The following KCNH8 variants were observed in gnomAD, a reference collection of about 807,000 sequenced individuals.
KCNH8 encodes voltage-gated delayed rectifier potassium channel KCNH8.
KCNH8 carries 70 observed loss-of-function variants against 103.6 expected under a neutral mutation model. The ratio of observed to expected loss-of-function variants is 0.68; its 90% CI spans 0.56 to 0.82. The LOEUF (loss-of-function observed/expected upper bound fraction) is 0.82. Among genes scored for constraint, KCNH8 ranks in the 40% least tolerant of loss-of-function variants. The pLI, the probability that KCNH8 is intolerant of heterozygous loss-of-function variation, is 0.00. For missense variants in KCNH8, 1,217 were observed against 1,329.9 expected, an observed-to-expected ratio of 0.92 and a Z score of 1.32; for synonymous variants, 498 against 489.4, an observed-to-expected ratio of 1.02 and a Z score of -0.23.
At chr3:19,414,092 A>C (rs1462176848) in intron 7 of KCNH8, among the ~76,000 whole-genome samples, 1 of 152,082 alleles carries the variant, frequency 6.6e-6, no homozygotes, top group East Asian at 1.9e-4. Flanking sequence ...TGATTCAGAG[A>C]GCTGAGGTCT....
At chr3:19,309,294 C>T (rs1363863611) in intron 3 of KCNH8, among the ~76,000 whole-genome samples, 1 of 151,900 alleles carries the variant, frequency 6.6e-6, no homozygotes, top group Non-Finnish European at 1.5e-5. Flanking sequence ...TAGTTAACTT[C>T]CATTTTATGC....
At chr3:19,288,181 CTTTTTTTTTT>C (rs767659898) in intron 3 of KCNH8, among the ~76,000 whole-genome samples, 7 of 38,162 alleles carry the variant, frequency 1.8e-4, no homozygotes, top group South Asian at 1.1e-3. Context: ...TATCAAACTT[CTTTTTTTTTT>C]TTTTTTTTTT....
intron 1 of KCNH8, among the ~76,000 whole-genome samples, chr3:19,246,274 G>GTTTTTTTTTTTTTTTT (rs920423108): frequency 2.4e-4 from 21 of 86,350 alleles, no homozygotes; most frequent in East Asian, 3.2e-4. Context: ...TGTTGTTGTT[G>GTTTTTTTTTTTTTTTT]TTTTTTTTTT....
intron 5 of KCNH8, among the ~76,000 whole-genome samples, chr3:19,372,304 GT>G (rs1334976234): frequency 1.3e-5 from 2 of 151,366 alleles, no homozygotes; most frequent in Non-Finnish European, 2.9e-5. Flanking sequence ...CTGGTTTGTA[GT>G]TCTCCTTGAA....
chr3:19,407,609 G>A (rs914814332), intron 7 of KCNH8, among the ~76,000 whole-genome samples: 3 of 151,912 alleles, frequency 2.0e-5, no homozygotes, highest in East Asian at 1.9e-4. Flanking sequence ...TCAACAGCCC[G>A]ACCTGCCCCA....
At chr3:19,350,579 G>C (rs1409764795) in intron 5 of KCNH8, among the ~76,000 whole-genome samples, 7 of 152,134 alleles carry the variant, frequency 4.6e-5, no homozygotes. Flanking sequence ...AATATTTGCT[G>C]TTCTGCAGCC....
intron 7 of KCNH8, among the ~76,000 whole-genome samples, chr3:19,436,027 C>T (rs938169317): frequency 6.6e-6 from 1 of 152,052 alleles, no homozygotes; most frequent in Non-Finnish European, 1.5e-5. Context: ...ATACTGGGTC[C>T]ATGGTAACTA....
In KCNH8 at chr3:19,534,151, G is replaced by A. The variant is rs1427669986; in HGVS notation, c.*52G>A. 1 of 1,388,834 alleles carries A rather than the reference G, an allele frequency of 7.2e-7. No individual in the cohort carries two copies. The highest frequency in any genetic ancestry group is 1.3e-5 in the South Asian group (1 of 76,122). The allele number at this position is 1,388,834 out of a possible 1,614,324, so 86.0% of individuals were successfully genotyped here. A position where few individuals can be genotyped will look rare whatever the true frequency, so the allele number is the denominator to read the frequency against. On this transcript the variant is annotated 3_prime_UTR_variant, in exon 16 of 16. Transcript: ENST00000328405. ...ATTTCAAACCTACCACTGCATGACAGTTTTAGTTTGCCTTTTTGCCTCTGG... is the reference window on the plus strand; with the variant it reads ...ATTTCAAACCTACCACTGCATGACAATTTTAGTTTGCCTTTTTGCCTCTGG...
chr3:19,498,696 C>A (rs2125230821), intron 11 of KCNH8, among the ~76,000 whole-genome samples: 1 of 152,216 alleles, frequency 6.6e-6, no homozygotes, highest in African/African-American at 2.4e-5. Flanking sequence ...CTGTTTTTTC[C>A]CCATCTTTGT....
intron 3 of KCNH8, among the ~76,000 whole-genome samples, chr3:19,289,048 A>G (rs977764277): frequency 6.6e-6 from 1 of 152,162 alleles, no homozygotes; most frequent in Non-Finnish European, 1.5e-5. Flanking sequence ...GTGTGGGTTC[A>G]TATCCTTTGC....
chr3:19,356,111 T>C (rs2065879207), intron 5 of KCNH8, among the ~76,000 whole-genome samples: 1 of 151,890 alleles, frequency 6.6e-6, no homozygotes. Flanking sequence ...GTAAACTCCA[T>C]ACAAAAGTAT....
At chr3:19,295,291 G>A (rs2064981338) in intron 3 of KCNH8, among the ~76,000 whole-genome samples, 1 of 151,894 alleles carries the variant, frequency 6.6e-6, no homozygotes, top group African/African-American at 2.4e-5. Flanking sequence ...AGCTCAGGTG[G>A]GATAATTGCT....
At chr3:19,529,210 C>A (rs1462089200) in intron 15 of KCNH8, among the ~76,000 whole-genome samples, 1 of 152,116 alleles carries the variant, frequency 6.6e-6, no homozygotes, top group Non-Finnish European at 1.5e-5. Flanking sequence ...ATATGAGTGT[C>A]AGAAACATTT....
intron 3 of KCNH8, among the ~76,000 whole-genome samples, chr3:19,282,072 T>C (rs2064763992): frequency 6.6e-6 from 1 of 152,144 alleles, no homozygotes; most frequent in Admixed American, 6.6e-5. Context: ...AGTAAGTTCT[T>C]TTTTAGAATC....
chr3:19,324,333 C>G (rs1004790835), intron 3 of KCNH8, among the ~76,000 whole-genome samples: 7 of 152,094 alleles, frequency 4.6e-5, no homozygotes, highest in Non-Finnish European at 8.8e-5. Flanking sequence ...AAGAAGAAAG[C>G]AAGTACCTTC....
chr3:19,218,899 A>G (rs2063843213), intron 1 of KCNH8, among the ~76,000 whole-genome samples: 2 of 152,182 alleles, frequency 1.3e-5, no homozygotes, highest in South Asian at 2.1e-4. Flanking sequence ...ACACAGTTAT[A>G]TTGGATTAGG....
chr3:19,173,173 T>TA (rs10700786), intron 1 of KCNH8, among the ~76,000 whole-genome samples: 10,078 of 149,328 alleles, frequency 0.067, 1,019 homozygotes, highest in African/African-American at 0.22. Flanking sequence ...GCATCTCATT[T>TA]AAAAAAAAAA....
chr3:19,267,514 G>A (rs569157533), intron 2 of KCNH8, among the ~76,000 whole-genome samples: 2 of 152,138 alleles, frequency 1.3e-5, no homozygotes, highest in Admixed American at 6.5e-5. Context: ...ATCATAGAAA[G>A]CATTTTTAAC....
intron 11 of KCNH8, among the ~76,000 whole-genome samples, chr3:19,499,910 T>C (rs1387800274): frequency 6.6e-6 from 1 of 152,122 alleles, no homozygotes; most frequent in African/African-American, 2.4e-5. Flanking sequence ...GCTAACATCA[T>C]AATGACAGGA....
Sources: gnomAD v4.1 joint callset for allele counts (sites outside exome capture counted in the v4.1 genomes callset) on GRCh38, gnomAD v4.1.1 for gene constraint, MANE v1.5 for transcripts, NCBI Gene and HGNC (gene_info 2026-07-23, HGNC 2026-07-21) for gene names.